The following HECTD4 variants were observed in gnomAD, a reference collection of about 807,000 sequenced individuals.
HECTD4 encodes the protein HECT domain E3 ubiquitin protein ligase 4.
Under a neutral mutation model 471.5 loss-of-function variants are expected in HECTD4, and 114 were observed. That is an observed-to-expected ratio of 0.24 (90% CI 0.21 to 0.28). HECTD4 has a LOEUF of 0.28. Ranked by LOEUF, HECTD4 falls within the 10% of genes least tolerant of loss-of-function variation. The pLI is 1.00. For missense variants in HECTD4, 3,866 were observed against 5,651.5 expected (o/e 0.68, Z 10.13); for synonymous variants, 2,012 against 2,256.0 (o/e 0.89, Z 3.07).
At chr12:112,190,187 C>T (rs1426660048) in intron 60 of HECTD4, among the ~76,000 whole-genome samples, 1 of 152,240 alleles carries the variant, frequency 6.6e-6, no homozygotes, top group Non-Finnish European at 1.5e-5. Context: ...TGTATTTCCT[C>T]TACTACATAT....
chr12:112,298,616 G>T (rs1322437357), intron 7 of HECTD4, among the ~76,000 whole-genome samples: 4 of 151,150 alleles, frequency 2.6e-5, no homozygotes, highest in South Asian at 2.1e-4. Flanking sequence ...GGCATGGTGG[G>T]TTACTCCTGT....
At chr12:112,249,570 A>G (rs936753964) in intron 25 of HECTD4, 2 of 153,958 alleles carry the variant, frequency 1.3e-5, no homozygotes, top group Non-Finnish European at 2.9e-5. Flanking sequence ...TTTAAATTTC[A>G]TATATTCTCT....
intron 2 of HECTD4, among the ~76,000 whole-genome samples, chr12:112,317,517 T>C (rs970571578): frequency 6.6e-6 from 1 of 152,146 alleles, no homozygotes; most frequent in African/African-American, 2.4e-5. Context: ...AGGAAAAAAT[T>C]CTACGGAAGA....
At chr12:112,336,250 G>A (rs1486168737) in intron 1 of HECTD4, among the ~76,000 whole-genome samples, 1 of 152,106 alleles carries the variant, frequency 6.6e-6, no homozygotes, top group Non-Finnish European at 1.5e-5. Flanking sequence ...ATGGCCGGGC[G>A]CGGTGGCTCA....
Position 112,381,732 on chromosome 12 carries a change from C to T in HECTD4, c.177+220G>A, listed in dbSNP as rs564485048. 4.6e-5 allele frequency among the ~76,000 whole-genome samples: 7 copies of T among 152,038 alleles called. No individual in the cohort carries two copies. Among genetic ancestry groups the T allele is most frequent in the African/African-American group, 1.7e-4 (7 of 41,538 alleles). On this transcript the variant is annotated intron_variant, in intron 1 of 75. Coordinates refer to ENST00000682272, the MANE Select transcript of HECTD4 (RefSeq NM_001388303.1). The surrounding 1 kb of genome is among the most constrained non-coding windows in gnomAD (Gnocchi z 4.1). ...CAAAAGAAAACCACAAATGAAATCC[C>T]CTGCGGGCGCCAGGCCCCGAGGAGG...
At chr12:112,348,404 G>A (rs1389219793) in intron 1 of HECTD4, among the ~76,000 whole-genome samples, 1 of 152,164 alleles carries the variant, frequency 6.6e-6, no homozygotes, top group Non-Finnish European at 1.5e-5. Context: ...GTATCAAACA[G>A]AACTATAGAT....
intron 15 of HECTD4, 148 bp from the exon 16 acceptor site, chr12:112,265,443 G>A: frequency 1.8e-6 from 1 of 546,662 alleles, no homozygotes; most frequent in Non-Finnish European, 3.1e-6. Context: ...TAACAACTAG[G>A]TATATTATTT....
chr12:112,253,856 T>C (rs761284743), intron 22 of HECTD4, among the ~76,000 whole-genome samples, 187 bp downstream of exon 22: 16 of 152,214 alleles, frequency 1.1e-4, no homozygotes, highest in Admixed American at 3.3e-4. Flanking sequence ...AGGGGTCTGA[T>C]GTCCTACAAG....
chr12:112,164,915 C>T, intron 72 of HECTD4, among the ~76,000 whole-genome samples: 1 of 149,388 alleles, frequency 6.7e-6, no homozygotes, highest in Non-Finnish European at 1.5e-5. Context: ...AGCCACTGCA[C>T]CCAGACCGCT....
chr12:112,180,573 C>T lies in HECTD4; in HGVS notation c.10988-1176G>A, dbSNP rs539425534. Among the ~76,000 whole-genome samples the T allele has an allele frequency of 2.0e-5, 3 of 151,812 alleles. No homozygotes were observed. In the South Asian group the frequency reaches 6.2e-4, roughly 32 times the overall value. On this transcript the variant is annotated intron_variant, in intron 62 of 75. Coordinates refer to ENST00000682272, the MANE Select transcript of HECTD4 (RefSeq NM_001388303.1). ...CAACAACAAAAAAAAGGAAACAACC[C>T]TCACATGAGGAGTGTACCTAGCACC...
At chr12:112,296,598 G>T (rs536930730) in intron 7 of HECTD4, among the ~76,000 whole-genome samples, 2 of 151,568 alleles carry the variant, frequency 1.3e-5, no homozygotes, top group Non-Finnish European at 2.9e-5. Context: ...GATGGTGTAG[G>T]TGCAGAGGAA....
rs768094946 is a variant in HECTD4 at position 112,231,520 on chromosome 12, G to A, written c.6193C>T (p.Leu2065Phe). 2 of 1,613,936 alleles carry A rather than the reference G, an allele frequency of 1.2e-6. No homozygotes were observed. Among genetic ancestry groups the A allele is most frequent in the East Asian group, 2.2e-5 (1 of 44,884 alleles). ...TSICRERNSELARTDPVRPFI... is the reference protein window; with the variant it reads ...TSICRERNSEFARTDPVRPFI... ...TACCTGTGGAAGGTTTACCTTGCAA[G>A]CTCCGAGTTCCTCTCTCGGCAAATG... is the stretch of plus-strand genomic sequence containing the variant. Residue 2065 changes from leucine (L) to phenylalanine (F), a missense_variant, in exon 39 of 76, where the codon CTT (leucine) becomes TTT (phenylalanine). By Grantham distance (22) the Leu-to-Phe change is conservative (BLOSUM62 0). Coordinates refer to ENST00000682272, the MANE Select transcript of HECTD4 (RefSeq NM_001388303.1).
chr12:112,353,354 C>A (rs2036279401), intron 1 of HECTD4, among the ~76,000 whole-genome samples: 2 of 152,182 alleles, frequency 1.3e-5, no homozygotes, highest in Non-Finnish European at 2.9e-5. Flanking sequence ...TCTAAACATG[C>A]TACTGAGAGA....
Position 112,254,094 on chromosome 12 carries a change from T to A in HECTD4, c.3396A>T (p.Gly1132=). 6.2e-7 allele frequency: 1 copy of A among 1,613,992 alleles called. No homozygotes were observed. The part of the protein sequence containing the change: ...KVAEYGGNTL[G]YGSRSVLGTG... The stretch of plus-strand genomic sequence containing the variant: ...TTCCTAAGACACTACGGCTGCCATA[T>A]CCCAGTGTGTTGCCTCCATATTCAG... The change falls in exon 22 of 76, where the codon GGA becomes GGT. Residue 1132 remains glycine, a synonymous_variant. Coordinates refer to ENST00000682272, the MANE Select transcript of HECTD4 (RefSeq NM_001388303.1).
Position 112,167,853 on chromosome 12 carries a change from C to T in HECTD4, c.12273G>A (p.Leu4091=), listed in dbSNP as rs2031037301. Residue 4091 remains leucine, a synonymous_variant, in exon 71 of 76, where the codon CTG becomes CTA. Transcript: ENST00000682272. ...CAGCTGAGCTGGGGCACAGCAGCAG[C>T]AGCGACAGCGAGGAACTCTGCAGCT... is the stretch of plus-strand genomic sequence containing the variant. ...CKELQSSSLS[L]LLLCPSSAVN... 6.2e-7 allele frequency: 1 copy of T among 1,613,592 alleles called. No individual in the cohort carries two copies. Among genetic ancestry groups the T allele is most frequent in the Admixed American group, 1.7e-5 (1 of 60,014 alleles).
At chr12:112,308,078 A>G (rs1361644872) in intron 6 of HECTD4, among the ~76,000 whole-genome samples, 1 of 152,264 alleles carries the variant, frequency 6.6e-6, no homozygotes, top group Non-Finnish European at 1.5e-5. Flanking sequence ...TGCCTAGGCC[A>G]AGGCCTAGCA....
Position 112,382,207 on chromosome 12 carries a change from T to A in HECTD4, c.-79A>T. The A allele has an allele frequency of 3.5e-6, 4 of 1,136,690 alleles. No homozygotes were observed. The highest frequency in any genetic ancestry group is 4.4e-6 in the Non-Finnish European group (4 of 908,990). 70.4% of individuals were successfully genotyped at this position (1,136,690 alleles called of 1,614,324 possible). A position where few individuals can be genotyped will look rare whatever the true frequency, so the allele number is the denominator to read the frequency against. On this transcript the variant is annotated 5_prime_UTR_variant, in exon 1 of 76. Transcript: ENST00000682272. Reference sequence around the variant, plus strand: ...GAGCAGGAGCCGCCGCGATCACCAGTCCATGGCAGCGGCCGCCGCGCCCGC... The same window carrying A: ...GAGCAGGAGCCGCCGCGATCACCAGACCATGGCAGCGGCCGCCGCGCCCGC...
chr12:112,191,471 G>T (rs2032076592), intron 59 of HECTD4, among the ~76,000 whole-genome samples: 1 of 152,184 alleles, frequency 6.6e-6, no homozygotes, highest in African/African-American at 2.4e-5. Flanking sequence ...CATGGCCTAC[G>T]TGTGACCAAA....
intron 45 of HECTD4, among the ~76,000 whole-genome samples, chr12:112,217,466 G>A (rs1276197530): frequency 3.3e-5 from 5 of 152,146 alleles, no homozygotes; most frequent in Non-Finnish European, 7.4e-5. Flanking sequence ...TGGTCCTCTT[G>A]CTTCAGCCTC....
Sources: gnomAD v4.1 joint callset for allele counts (sites outside exome capture counted in the v4.1 genomes callset) on GRCh38, gnomAD v4.1.1 for gene constraint, Gnocchi (gnomAD v3.1) non-coding constraint, MANE v1.5 for transcripts, NCBI Gene and HGNC (gene_info 2026-07-23, HGNC 2026-07-21) for gene names.